ERC1: variants seen among roughly 807,000 people sequenced by gnomAD.
The protein encoded by ERC1 is ELKS/RAB6-interacting/CAST family member 1.
ERC1 carries 56 observed loss-of-function variants against 132.0 expected under a neutral mutation model. That is an observed-to-expected ratio of 0.42 (90% CI 0.34 to 0.53). The LOEUF is 0.53. ERC1 is among the 20% of genes least tolerant of loss of function. The pLI is 0.03. For missense variants in ERC1, 1,202 were observed against 1,349.9 expected (o/e 0.89, Z 1.72); for synonymous variants, 478 against 476.1 (o/e 1.00, Z -0.05).
intron 15 of ERC1, among the ~76,000 whole-genome samples, chr12:1,291,924 ATGCTGTGGTTT>A (rs1395769285): frequency 2.0e-5 from 3 of 152,152 alleles, no homozygotes; most frequent in Admixed American, 6.5e-5. Context: ...TCTCTTCCTT[ATGCTGTGGTTT>A]TGTTAACCAT....
chr12:1,285,027 G>A (rs2078950729), intron 14 of ERC1, among the ~76,000 whole-genome samples: 1 of 152,138 alleles, frequency 6.6e-6, no homozygotes, highest in East Asian at 1.9e-4. Flanking sequence ...TTTGAGAAAT[G>A]TCTATAGAGA....
intron 17 of ERC1, among the ~76,000 whole-genome samples, chr12:1,429,642 G>A (rs76325252): frequency 0.041 from 6,309 of 152,184 alleles, 230 homozygotes; most frequent in African/African-American, 0.093. Context: ...GCTAAATGAT[G>A]GATTTTCTCC....
At chr12:1,115,529 C>A (rs193216334) in intron 6 of ERC1, 8 of 231,132 alleles carry the variant, frequency 3.5e-5, no homozygotes, top group Middle Eastern at 1.5e-3. Flanking sequence ...TTCATCAGTA[C>A]AGTGGTGTTC....
chr12:1,390,872 G>A (rs958005928), intron 16 of ERC1: 3 of 152,184 alleles, frequency 2.0e-5, no homozygotes, highest in Admixed American at 2.0e-4. Context: ...CCCACTCCAG[G>A]AATGGAGAGG....
In ERC1 at chr12:1,466,080, T is replaced by C. The variant is rs75939905; in HGVS notation, c.3213+21330T>C. ...CCTGTGGCACTGCACACCAACACTGTATTACCTTGCTCGGGACACCGTAAC... is the reference window on the plus strand; with the variant it reads ...CCTGTGGCACTGCACACCAACACTGCATTACCTTGCTCGGGACACCGTAAC... On this transcript the variant is annotated intron_variant, in intron 18 of 18. Coordinates refer to ENST00000360905, the MANE Select transcript of ERC1 (RefSeq NM_178040.4). Among the ~76,000 whole-genome samples, 19 of 152,248 alleles carry C rather than the reference T, an allele frequency of 1.2e-4. No homozygotes were observed. The East Asian group carries it at 3.7e-3, about 29-fold the overall frequency.
chr12:1,007,472 CTCTCT>C (rs1206071092), intron 1 of ERC1, among the ~76,000 whole-genome samples: 1 of 150,082 alleles, frequency 6.7e-6, no homozygotes, highest in African/African-American at 2.5e-5. Context: ...CTCTCTCTCT[CTCTCT>C]CTCTCTCTCT....
chr12:1,299,947 C>T lies in ERC1; in HGVS notation c.2780+9935C>T, dbSNP rs145024374. Among the ~76,000 whole-genome samples, 918 of 152,152 alleles carry T rather than the reference C, an allele frequency of 6.0e-3. 14 individuals carry two copies. Among genetic ancestry groups the T allele is most frequent in the African/African-American group, 0.021 (873 of 41,520 alleles). On this transcript the variant is annotated intron_variant, in intron 15 of 18. Transcript: ENST00000360905. ...AGAAGGAATAGAAAAGTGAGCAGGC[C>T]TTTATCTATTAAAGAAATTGAATTT...
intron 4 of ERC1, among the ~76,000 whole-genome samples, chr12:1,108,591 G>T (rs1945509456): frequency 6.6e-6 from 1 of 152,140 alleles, no homozygotes; most frequent in Non-Finnish European, 1.5e-5. Flanking sequence ...GATATTTCCA[G>T]AGAAATTTTA....
At position 1,189,917 on chromosome 12, in the gene ERC1, A is replaced by G. The variant is rs771103836; in HGVS notation, c.2216A>G (p.His739Arg). 2.5e-6 allele frequency: 4 copies of G among 1,614,134 alleles called. No individual in the cohort carries two copies. The highest frequency in any genetic ancestry group is 3.4e-6 in the Non-Finnish European group (4 of 1,179,994). The change falls in exon 12 of 19, where the codon CAC (histidine) becomes CGC (arginine). Residue 739 changes from histidine (H) to arginine (R), a missense_variant. His to Arg is a conservative substitution (Grantham distance 29, BLOSUM62 0). Coordinates refer to ENST00000360905, the MANE Select transcript of ERC1 (RefSeq NM_178040.4). Reference sequence around the variant, plus strand: ...CCAGAGATGAGTGACCGAATACAGCACTTGGAGAGAGAGATCACCAGGTAC... The same window carrying G: ...CCAGAGATGAGTGACCGAATACAGCGCTTGGAGAGAGAGATCACCAGGTAC... ...ASPEMSDRIQHLEREITRYKD... is the reference protein window; with the variant it reads ...ASPEMSDRIQRLEREITRYKD...
intron 18 of ERC1, among the ~76,000 whole-genome samples, chr12:1,450,102 A>G (rs2093392533): frequency 6.6e-6 from 1 of 152,206 alleles, no homozygotes; most frequent in South Asian, 2.1e-4. Context: ...TCCATATATT[A>G]TAAAAGCCAT....
intron 12 of ERC1, among the ~76,000 whole-genome samples, chr12:1,232,701 T>C (rs1446837842): frequency 6.6e-6 from 1 of 151,578 alleles, no homozygotes; most frequent in African/African-American, 2.4e-5. Context: ...TCATGTATTG[T>C]TTTCCTAATT....
At chr12:1,032,552 G>T (rs1442648128) in intron 2 of ERC1, among the ~76,000 whole-genome samples, 1 of 152,178 alleles carries the variant, frequency 6.6e-6, no homozygotes. Flanking sequence ...GGGACCCTCA[G>T]TGGATGGGGC....
chr12:1,074,109 G>A (rs768016102), intron 2 of ERC1, among the ~76,000 whole-genome samples: 5 of 151,948 alleles, frequency 3.3e-5, no homozygotes, highest in East Asian at 1.9e-4. Flanking sequence ...TGATCTGCCC[G>A]CCTCTGCCTT....
chr12:995,066 A>G (rs1262744268), intron 1 of ERC1, among the ~76,000 whole-genome samples: 4 of 151,648 alleles, frequency 2.6e-5, no homozygotes, highest in African/African-American at 7.3e-5. Flanking sequence ...ATTGCACTCC[A>G]GCCTGGGTGA....
chr12:1,079,930 T>A (rs1474900721), intron 2 of ERC1, among the ~76,000 whole-genome samples: 1 of 152,234 alleles, frequency 6.6e-6, no homozygotes, highest in Non-Finnish European at 1.5e-5. Context: ...AGAAATGATT[T>A]GTAATATGTA....
intron 12 of ERC1, among the ~76,000 whole-genome samples, chr12:1,216,085 T>C (rs905498704): frequency 6.6e-6 from 1 of 152,190 alleles, no homozygotes; most frequent in African/African-American, 2.4e-5. Context: ...ATTTACAAGT[T>C]ACCTTTTTTT....
In ERC1 at chr12:1,415,217, G is replaced by A. The variant is rs146700825; in HGVS notation, c.3024+6970G>A. 3.0e-3 allele frequency among the ~76,000 whole-genome samples: 461 copies of A among 152,274 alleles called. 1 individual carries two copies. Among genetic ancestry groups the A allele is most frequent in the Non-Finnish European group, 5.3e-3 (359 of 68,028 alleles). ...TTAGCCATCAAGAAGAACAGCATAT[G>A]CTCTTTCTGGACTTCACCCCGTGGA... On this transcript the variant is annotated intron_variant, in intron 17 of 18. Transcript: ENST00000360905.
chr12:1,359,101 A>C (rs915773340), intron 15 of ERC1, among the ~76,000 whole-genome samples: 1 of 152,198 alleles, frequency 6.6e-6, no homozygotes, highest in Non-Finnish European at 1.5e-5. Context: ...TGGAGCCCTC[A>C]AAACTTTGAC....
At position 1,148,854 on chromosome 12, in the gene ERC1, G is replaced by A. The variant is rs548198674; in HGVS notation, c.1737+7067G>A. Among the ~76,000 whole-genome samples, 10 of 152,192 alleles carry A rather than the reference G, an allele frequency of 6.6e-5. No individual in the cohort carries two copies. The East Asian group carries it at 9.7e-4, about 15-fold the overall frequency. ...TGACCTCAGATGATCCTCCCGCCTC[G>A]GCCTCCCAAAGTGCAGGGATCACAG... On this transcript the variant is annotated intron_variant, in intron 8 of 18. Coordinates refer to ENST00000360905, the MANE Select transcript of ERC1 (RefSeq NM_178040.4).
Sources: allele counts gnomAD v4.1 joint callset (sites outside exome capture counted in the v4.1 genomes callset), GRCh38; gene constraint gnomAD v4.1.1; transcripts MANE v1.5; gene names NCBI Gene and HGNC (gene_info 2026-07-23, HGNC 2026-07-21).